The following CTNND2 variants were observed in gnomAD, a reference collection of about 807,000 sequenced individuals.
CTNND2 encodes catenin delta-2.
A neutral mutation model predicts 144.4 loss-of-function variants in CTNND2; 22 were observed. That is an observed-to-expected ratio of 0.15 (90% CI 0.11 to 0.22). The LOEUF (loss-of-function observed/expected upper bound fraction) is 0.22, where lower values mean the gene tolerates loss of function less well. Ranked by LOEUF, CTNND2 falls within the 10% of genes least tolerant of loss-of-function variation. The pLI, the probability that CTNND2 is intolerant of heterozygous loss-of-function variation, is 1.00. For synonymous variants in CTNND2, 751 were observed against 695.6 expected, an observed-to-expected ratio of 1.08 and a Z score of -1.25; for missense variants, 1,353 against 1,618.8, an observed-to-expected ratio of 0.84 and a Z score of 2.82.
chr5:11,568,820 A>T (rs1032231416), intron 2 of CTNND2, among the ~76,000 whole-genome samples: 1 of 152,222 alleles, frequency 6.6e-6, no homozygotes, highest in Non-Finnish European at 1.5e-5. Context: ...TTTGAGATGA[A>T]ACAGCATTCA....
intron 12 of CTNND2, among the ~76,000 whole-genome samples, chr5:11,135,972 T>A (rs1043510380): frequency 4.6e-5 from 7 of 152,158 alleles, no homozygotes; most frequent in Admixed American, 4.6e-4. Flanking sequence ...CTCCTAAAAT[T>A]TATATGTTGA....
chr5:11,173,416 T>G (rs1433596633), intron 11 of CTNND2, among the ~76,000 whole-genome samples: 1 of 152,234 alleles, frequency 6.6e-6, no homozygotes, highest in Non-Finnish European at 1.5e-5. Context: ...ACTAACCCTG[T>G]CGACTCCTCG....
intron 3 of CTNND2, among the ~76,000 whole-genome samples, chr5:11,415,862 T>A (rs1054302123): frequency 6.6e-6 from 1 of 152,116 alleles, no homozygotes; most frequent in Non-Finnish European, 1.5e-5. Flanking sequence ...CACAGAAGAA[T>A]AAGCATGAGG....
At chr5:11,395,585 T>A (rs766179579) in intron 6 of CTNND2, among the ~76,000 whole-genome samples, 8 of 152,216 alleles carry the variant, frequency 5.3e-5, no homozygotes, top group Non-Finnish European at 1.0e-4. Context: ...CCTTTCTGAT[T>A]AAACTTTAAA....
chr5:11,284,330 T>C (rs1459439837), intron 9 of CTNND2, among the ~76,000 whole-genome samples: 1 of 152,144 alleles, frequency 6.6e-6, no homozygotes, highest in Non-Finnish European at 1.5e-5. Flanking sequence ...TGTAAATGTG[T>C]GCCATGGTGG....
intron 2 of CTNND2, among the ~76,000 whole-genome samples, chr5:11,721,218 G>A (rs1288288972): frequency 2.0e-5 from 3 of 152,100 alleles, no homozygotes; most frequent in Non-Finnish European, 4.4e-5. Context: ...CTTTAGAAAA[G>A]ACCATATATT....
rs10061534 is a variant in CTNND2, at chr5:11,006,468, A to T, written c.3084+11506T>A. Among the ~76,000 whole-genome samples the T allele has an allele frequency of 1.8e-3, 272 of 152,336 alleles. 1 individual carries two copies. The highest frequency in any genetic ancestry group is 6.2e-3 in the African/African-American group (259 of 41,574). Reference sequence around the variant, plus strand: ...AGGAGTCTGGGTCCCGAGTGCCCACATGGAGAAGAGCTGACCCATCTACTT... The same window carrying T: ...AGGAGTCTGGGTCCCGAGTGCCCACTTGGAGAAGAGCTGACCCATCTACTT... On this transcript the variant is annotated intron_variant, in intron 18 of 21. Transcript: ENST00000304623.
chr5:11,165,226 T>C (rs895321742), intron 11 of CTNND2, among the ~76,000 whole-genome samples: 14 of 152,234 alleles, frequency 9.2e-5, no homozygotes, highest in Middle Eastern at 3.2e-3. Context: ...TTTTAGCTAG[T>C]AGAGAAAAAT....
Position 11,799,860 on chromosome 5 carries a change from A to G in CTNND2, c.38-67588T>C, listed in dbSNP as rs182811415. ...TATGTAGTTTAGTCAAAGTCACACA[A>G]CACACAAAGAGGAATGCTAGATTCA... On this transcript the variant is annotated intron_variant, in intron 1 of 21. Coordinates refer to ENST00000304623, the MANE Select transcript of CTNND2 (RefSeq NM_001332.4). Among the ~76,000 whole-genome samples the G allele has an allele frequency of 5.9e-5, 9 of 152,266 alleles. No individual in the cohort carries two copies. The East Asian group carries it at 1.7e-3, about 29-fold the overall frequency.
At chr5:11,037,662 T>C (rs1309876087) in intron 16 of CTNND2, among the ~76,000 whole-genome samples, 1 of 152,240 alleles carries the variant, frequency 6.6e-6, no homozygotes, top group Non-Finnish European at 1.5e-5. Flanking sequence ...GGGCATGTTA[T>C]AGAAGCCTTC....
intron 1 of CTNND2, among the ~76,000 whole-genome samples, chr5:11,875,562 G>A (rs971540095): frequency 3.3e-5 from 5 of 152,228 alleles, no homozygotes; most frequent in Admixed American, 6.5e-5. Flanking sequence ...AGATGAGGTC[G>A]TGAGGGTTGG....
intron 17 of CTNND2, among the ~76,000 whole-genome samples, chr5:11,019,591 A>C (rs1175926558): frequency 1.3e-5 from 2 of 152,260 alleles, no homozygotes; most frequent in African/African-American, 4.8e-5. Flanking sequence ...TAACATGTGA[A>C]GGTTAAAGAA....
chr5:11,135,229 T>A (rs1345988589), intron 12 of CTNND2, among the ~76,000 whole-genome samples: 1 of 152,200 alleles, frequency 6.6e-6, no homozygotes, highest in African/African-American at 2.4e-5. Context: ...ATAATGGTTC[T>A]TAGAACTCTG....
At chr5:11,290,788 C>T (rs1706705261) in intron 9 of CTNND2, among the ~76,000 whole-genome samples, 1 of 152,162 alleles carries the variant, frequency 6.6e-6, no homozygotes, top group South Asian at 2.1e-4. Context: ...GAAGCAAAAT[C>T]TGAGTCTTTT....
At position 11,143,530 on chromosome 5, in the gene CTNND2, G is replaced by A. The variant is rs567665768; in HGVS notation, c.2159+16046C>T. Reference sequence around the variant, plus strand: ...CTTCACGTGGATGTTCTCCCTGGGAGTGTGTGTCTTTGTGTCCAAATTTCC... The same window carrying A: ...CTTCACGTGGATGTTCTCCCTGGGAATGTGTGTCTTTGTGTCCAAATTTCC... On this transcript the variant is annotated intron_variant, in intron 12 of 21. Coordinates refer to ENST00000304623, the MANE Select transcript of CTNND2 (RefSeq NM_001332.4). Among the ~76,000 whole-genome samples, 4 of 152,314 alleles carry A rather than the reference G, an allele frequency of 2.6e-5. No individual in the cohort carries two copies. The East Asian group carries it at 5.8e-4, about 22-fold the overall frequency.
chr5:11,402,966 C>T (rs544898673), intron 5 of CTNND2, among the ~76,000 whole-genome samples: 1 of 152,332 alleles, frequency 6.6e-6, no homozygotes, highest in Non-Finnish European at 1.5e-5. Flanking sequence ...AGTTTGACTA[C>T]TGTGGATGGA....
At chr5:11,515,929 A>C (rs1772125339) in intron 3 of CTNND2, among the ~76,000 whole-genome samples, 1 of 152,118 alleles carries the variant, frequency 6.6e-6, no homozygotes, top group Non-Finnish European at 1.5e-5. Context: ...GCAAGAACCC[A>C]TCTCTACTAA....
At chr5:11,448,790 T>A (rs1444488815) in intron 3 of CTNND2, among the ~76,000 whole-genome samples, 3 of 152,134 alleles carry the variant, frequency 2.0e-5, no homozygotes, top group African/African-American at 7.2e-5. Context: ...CACCTCAGCC[T>A]CCCAAAAAGC....
At chr5:11,376,503 T>C (rs1385051320) in intron 7 of CTNND2, among the ~76,000 whole-genome samples, 1 of 152,234 alleles carries the variant, frequency 6.6e-6, no homozygotes, top group Non-Finnish European at 1.5e-5. Flanking sequence ...TGACAGCTTC[T>C]TTCCACAGTG....
Sources: gnomAD v4.1 joint callset for allele counts (sites outside exome capture counted in the v4.1 genomes callset) on GRCh38, gnomAD v4.1.1 for gene constraint, MANE v1.5 for transcripts, NCBI Gene and HGNC (gene_info 2026-07-23, HGNC 2026-07-21) for gene names.